DAPL1: variants seen among roughly 807,000 people sequenced by gnomAD.
The protein encoded by DAPL1 is death associated protein like 1.
Under a neutral mutation model 12.9 loss-of-function variants are expected in DAPL1, and 17 were observed. That is an observed-to-expected ratio of 1.32 (90% CI 0.90 to 1.98). DAPL1 has a LOEUF of 1.98. DAPL1 is among the 30% of genes most tolerant of loss of function. The pLI, the probability that DAPL1 is intolerant of heterozygous loss-of-function variation, is 0.00. For synonymous variants in DAPL1, 51 were observed against 42.0 expected (o/e 1.21, Z -0.82); for missense variants, 157 against 125.7 (o/e 1.25, Z -1.19).
At chr2:158,808,518 T>A (rs1165144173) in intron 3 of DAPL1, among the ~76,000 whole-genome samples, 1 of 152,176 alleles carries the variant, frequency 6.6e-6, no homozygotes, top group South Asian at 2.1e-4. Context: ...ATATCTAAAG[T>A]CCATGATGTT....
At chr2:158,814,616 C>T (rs901656743) in intron 3 of DAPL1, among the ~76,000 whole-genome samples, 1 of 152,166 alleles carries the variant, frequency 6.6e-6, no homozygotes, top group Non-Finnish European at 1.5e-5. Flanking sequence ...AAAGGGACTG[C>T]TGAGTGCCTA....
At chr2:158,815,198 T>C (rs2059253383) in intron 3 of DAPL1, among the ~76,000 whole-genome samples, 1 of 152,212 alleles carries the variant, frequency 6.6e-6, no homozygotes. Flanking sequence ...GATTGAACCA[T>C]ATGGAATGGC....
intron 1 of DAPL1, among the ~76,000 whole-genome samples, chr2:158,799,167 A>G (rs1359904553): frequency 1.3e-5 from 2 of 152,230 alleles, no homozygotes; most frequent in African/African-American, 2.4e-5. Flanking sequence ...TAGTGAAATT[A>G]TCTAAAAGAG....
At chr2:158,815,593 A>G in intron 3 of DAPL1, 112 bp from the exon 4 acceptor site, 2 of 761,892 alleles carry the variant, frequency 2.6e-6, no homozygotes, top group Non-Finnish European at 4.6e-6. Context: ...TATCAAATAA[A>G]TAAACAAAAT....
At chr2:158,802,548 C>T (rs1312496611) in intron 1 of DAPL1, among the ~76,000 whole-genome samples, 2 of 152,184 alleles carry the variant, frequency 1.3e-5, no homozygotes, top group Admixed American at 6.5e-5. Flanking sequence ...CTTTGATGTA[C>T]TCACACACCA....
intron 1 of DAPL1, among the ~76,000 whole-genome samples, chr2:158,799,927 G>A (rs2059157517): frequency 2.6e-5 from 4 of 152,024 alleles, no homozygotes; most frequent in Admixed American, 1.3e-4. Context: ...AGCTGGGTGT[G>A]GTGGCGGGCA....
intron 3 of DAPL1, 127 bp from the exon 4 acceptor site, chr2:158,815,578 G>T: frequency 7.0e-6 from 5 of 716,348 alleles, no homozygotes; most frequent in Non-Finnish European, 5.0e-6. Context: ...GAAAAAAAGA[G>T]ATATTATCAA....
At position 158,804,385 on chromosome 2, in the gene DAPL1, T is replaced by G. The variant is rs2059187850; in HGVS notation, c.146+16T>G. 1.3e-6 allele frequency: 2 copies of G among 1,580,490 alleles called. No homozygotes were observed. Among genetic ancestry groups the G allele is most frequent in the Non-Finnish European group, 1.7e-6 (2 of 1,155,752 alleles). ...AGAAAACAAGGTAGGGACTCTTAAT[T>G]TTTCTCCATCACCTTGAGGAGTTTT... On this transcript the variant is annotated intron_variant, in intron 2 of 3. Transcript: ENST00000309950.
intron 3 of DAPL1, among the ~76,000 whole-genome samples, chr2:158,811,373 C>T (rs1447982813): frequency 1.3e-5 from 2 of 152,012 alleles, no homozygotes; most frequent in Non-Finnish European, 2.9e-5. Context: ...AATTTAAGTG[C>T]CAATATTCGA....
At chr2:158,800,324 A>G (rs2059160395) in intron 1 of DAPL1, among the ~76,000 whole-genome samples, 4 of 152,160 alleles carry the variant, frequency 2.6e-5, no homozygotes, top group African/African-American at 9.7e-5. Context: ...TAGGCAATCT[A>G]TATCATGTTG....
In DAPL1 at chr2:158,815,727, C is replaced by T; in HGVS notation, c.230C>T (p.Thr77Ile). The T allele has an allele frequency of 6.2e-7, 1 of 1,613,350 alleles. No individual in the cohort carries two copies. The highest frequency in any genetic ancestry group is 8.5e-7 in the Non-Finnish European group (1 of 1,179,284). The change falls in exon 4 of 4, where the codon ACA (threonine) becomes ATA (isoleucine). Residue 77 changes from threonine to isoleucine, a missense_variant. Thr to Ile is a moderately conservative substitution (Grantham distance 89). Transcript: ENST00000309950. Reference protein sequence around the residue: ...LEKLNYKFPATVHMAHQKPTP... With the variant: ...LEKLNYKFPAIVHMAHQKPTP... ...TAGCTCAACTATAAATTTCCAGCAACAGTGCACATGGCGCATCAAAAACCC... is the reference window on the plus strand; with the variant it reads ...TAGCTCAACTATAAATTTCCAGCAATAGTGCACATGGCGCATCAAAAACCC...
intron 3 of DAPL1, among the ~76,000 whole-genome samples, chr2:158,812,006 T>G (rs890905656): frequency 1.4e-4 from 21 of 152,344 alleles, no homozygotes; most frequent in African/African-American, 4.6e-4. Flanking sequence ...TCATCAATTC[T>G]GATGAAGATC....
At chr2:158,806,131 T>C (rs2059199673) in intron 2 of DAPL1, among the ~76,000 whole-genome samples, 2 of 148,308 alleles carry the variant, frequency 1.3e-5, no homozygotes, top group Admixed American at 1.4e-4. Context: ...TATGTCATCT[T>C]AGAGAATAGC....
chr2:158,800,850 C>A (rs975434688), intron 1 of DAPL1, among the ~76,000 whole-genome samples: 2 of 151,872 alleles, frequency 1.3e-5, no homozygotes, highest in African/African-American at 4.8e-5. Context: ...ATCTTCTTTT[C>A]TTTTTTTTAG....
intron 1 of DAPL1, among the ~76,000 whole-genome samples, chr2:158,802,620 C>G (rs2059174372): frequency 6.6e-6 from 1 of 152,180 alleles, no homozygotes; most frequent in Admixed American, 6.5e-5. Flanking sequence ...GTTGTCTGCT[C>G]ACCTGCATGT....
intron 3 of DAPL1, among the ~76,000 whole-genome samples, chr2:158,815,319 A>C (rs2059254037): frequency 6.6e-6 from 1 of 152,178 alleles, no homozygotes; most frequent in African/African-American, 2.4e-5. Context: ...TTCTTTTGAC[A>C]ATTGAGGAGT....
At chr2:158,815,249 A>G (rs1287795085) in intron 3 of DAPL1, among the ~76,000 whole-genome samples, 2 of 152,236 alleles carry the variant, frequency 1.3e-5, no homozygotes, top group African/African-American at 4.8e-5. Context: ...TAGCAAATGT[A>G]CACACTTAGA....
chr2:158,805,891 G>A (rs2059198205), intron 2 of DAPL1, among the ~76,000 whole-genome samples: 1 of 148,544 alleles, frequency 6.7e-6, no homozygotes, highest in South Asian at 2.1e-4. Flanking sequence ...GTTATGCGGA[G>A]CTTGAATCTT....
chr2:158,799,009 T>G (rs1232999885), intron 1 of DAPL1, among the ~76,000 whole-genome samples: 1 of 152,164 alleles, frequency 6.6e-6, no homozygotes, highest in African/African-American at 2.4e-5. Flanking sequence ...GATTGGAAAA[T>G]CTTAGCTGGA....
Sources: allele counts gnomAD v4.1 joint callset (sites outside exome capture counted in the v4.1 genomes callset), GRCh38; gene constraint gnomAD v4.1.1; transcripts MANE v1.5; gene names NCBI Gene and HGNC (gene_info 2026-07-23, HGNC 2026-07-21).